Variants in CACNA1I observed in about 807,000 individuals in gnomAD.
The protein encoded by CACNA1I is voltage-dependent T-type calcium channel subunit alpha-1I.
A neutral mutation model predicts 201.6 loss-of-function variants in CACNA1I; 74 were observed. That is an observed-to-expected ratio of 0.37 (90% CI 0.30 to 0.45). CACNA1I has a LOEUF of 0.45. CACNA1I is among the 20% of genes least tolerant of loss of function. CACNA1I has a pLI of 1.00. For synonymous variants in CACNA1I, 1,431 were observed against 1,345.2 expected, an observed-to-expected ratio of 1.06 and a Z score of -1.40; for missense variants, 2,346 against 3,138.1, an observed-to-expected ratio of 0.75 and a Z score of 6.03.
intron 10 of CACNA1I, chr22:39,656,702 G>C (rs759251346): frequency 7.7e-6 from 4 of 519,030 alleles, no homozygotes; most frequent in South Asian, 5.6e-5. Context: ...TGGTGTAACG[G>C]GAGAGCAGTT....
rs1289524394 is a variant in CACNA1I, at chr22:39,665,130, C to G, written c.3851+207C>G. 6.6e-6 allele frequency among the ~76,000 whole-genome samples: 1 copy of G among 152,108 alleles called. No individual in the cohort carries two copies. Among genetic ancestry groups the G allele is most frequent in the East Asian group, 1.9e-4 (1 of 5,186 alleles). ...GGAAGAGCAGGGCTGAAGCTGGACC[C>G]CAGTATTGCTGCCCACTCTGCGTGT... On this transcript the variant is annotated intron_variant, in intron 21 of 36. Coordinates refer to ENST00000402142, the MANE Select transcript of CACNA1I (RefSeq NM_021096.4). This position sits in a 1 kb window ranked among gnomAD's most constrained non-coding sequence, Gnocchi z 5.5.
Position 39,661,980 on chromosome 22 carries a change from T to C in CACNA1I, c.2917T>C (p.Ser973Pro). The change falls in exon 17 of 37, where the codon TCC (serine) becomes CCC (proline). Residue 973 changes from serine to proline, a missense_variant. This residue lies in a region of CACNA1I where 288 missense variants were observed against 255.2 expected (regional missense o/e 1.13). Transcript: ENST00000402142. Reference sequence around the variant, plus strand: ...CTCCTTCCAGTCCAGCTCCCGGAGCTCCTACTACGGGCCATGGGGCCGCAG... The same window carrying C: ...CTCCTTCCAGTCCAGCTCCCGGAGCCCCTACTACGGGCCATGGGGCCGCAG... ...DQRSLSSSRS[S>P]YYGPWGRSAA... 6.5e-7 allele frequency: 1 copy of C among 1,545,576 alleles called. No individual in the cohort carries two copies. Among genetic ancestry groups the C allele is most frequent in the African/African-American group, 1.4e-5 (1 of 70,728 alleles).
intron 10 of CACNA1I, among the ~76,000 whole-genome samples, chr22:39,653,346 C>T (rs1054326150): frequency 6.6e-6 from 1 of 152,180 alleles, no homozygotes; most frequent in African/African-American, 2.4e-5. Flanking sequence ...CCAGGGGCAG[C>T]CATGGTCTCC....
At chr22:39,661,354 G>T in intron 16 of CACNA1I, 44 bp downstream of exon 16, 1 of 1,444,130 alleles carries the variant, frequency 6.9e-7, no homozygotes, top group Non-Finnish European at 9.3e-7. Context: ...TCCTGCTGGG[G>T]TGTGTGTGGA....
rs995576305 is a variant in CACNA1I at position 39,648,333 on chromosome 22, G to C, written c.1567+407G>C. Among the ~76,000 whole-genome samples, 1 of 152,184 alleles carries C rather than the reference G, an allele frequency of 6.6e-6. No individual in the cohort carries two copies. The highest frequency in any genetic ancestry group is 2.4e-5 in the African/African-American group (1 of 41,462). On this transcript the variant is annotated intron_variant, in intron 9 of 36. Transcript: ENST00000402142. This position sits in a 1 kb window ranked among gnomAD's most constrained non-coding sequence, Gnocchi z 5.4. Reference sequence around the variant, plus strand: ...CTGGGGCCGGGCAAGGCTGGCACTGGTGTTGCTGGAGGACGTGGGGGAGAA... The same window carrying C: ...CTGGGGCCGGGCAAGGCTGGCACTGCTGTTGCTGGAGGACGTGGGGGAGAA...
intron 28 of CACNA1I, 54 bp from the exon 29 acceptor site, chr22:39,673,909 C>G (rs1224766778): frequency 7.7e-6 from 12 of 1,563,024 alleles, no homozygotes; most frequent in Admixed American, 5.0e-5. Flanking sequence ...TGCGTGCACA[C>G]ACACGTCCCC....
rs1330283078 is a variant in CACNA1I at position 39,662,051 on chromosome 22, C to T, written c.2988C>T (p.His996=). 3.8e-6 allele frequency: 6 copies of T among 1,561,348 alleles called. No individual in the cohort carries two copies. In the Admixed American group the frequency reaches 9.4e-5, roughly 24 times the overall value. Residue 996 remains histidine (H), a synonymous_variant, in exon 17 of 37, where the codon CAC becomes CAT. Transcript: ENST00000402142. The part of the protein sequence containing the change: ...SRRSSWNSLK[H]KPPSAEHESL... ...GCTCCAGCTGGAACAGCCTCAAGCA[C>T]AAGCCGCCGTCGGCGGAGCATGAGT...
Position 39,664,885 on chromosome 22 carries a change from C to T in CACNA1I, c.3813C>T (p.Leu1271=). ...SAGGAKILGV[L]RVLRLLRTLR... ...GGGGAGCCAAGATCTTGGGGGTCCTCCGAGTCTTGCGGCTCCTGCGCACCC... is the reference window on the plus strand; with the variant it reads ...GGGGAGCCAAGATCTTGGGGGTCCTTCGAGTCTTGCGGCTCCTGCGCACCC... The change falls in exon 21 of 37, where the codon CTC becomes CTT. Residue 1271 remains leucine (L), a synonymous_variant. Coordinates refer to ENST00000402142, the MANE Select transcript of CACNA1I (RefSeq NM_021096.4). 6.2e-7 allele frequency: 1 copy of T among 1,612,980 alleles called. No individual in the cohort carries two copies. The highest frequency in any genetic ancestry group is 1.1e-5 in the South Asian group (1 of 91,084).
In CACNA1I at chr22:39,578,184, G is replaced by A. The variant is rs557352602; in HGVS notation, c.236+7196G>A. Among the ~76,000 whole-genome samples the A allele has an allele frequency of 5.3e-5, 8 of 152,204 alleles. No homozygotes were observed. The East Asian group carries it at 5.8e-4, about 11-fold the overall frequency. ...GTAAGTGTGTTGGGAGAGGAATGGC[G>A]CCATCTCTGCAGAAGACCTCCTCCC... On this transcript the variant is annotated intron_variant, in intron 1 of 36. Transcript: ENST00000402142.
At chr22:39,621,711 T>C (rs1482133297) in intron 4 of CACNA1I, among the ~76,000 whole-genome samples, 1 of 151,976 alleles carries the variant, frequency 6.6e-6, no homozygotes, top group Non-Finnish European at 1.5e-5. Context: ...TGTGAGGGTC[T>C]TGGGGAAGGG....
chr22:39,678,743 A>T (rs367986866), intron 31 of CACNA1I, among the ~76,000 whole-genome samples: 2 of 152,264 alleles, frequency 1.3e-5, no homozygotes, highest in Admixed American at 6.5e-5. Flanking sequence ...CCAGAAAGGA[A>T]GGACAGGGAG....
Position 39,665,057 on chromosome 22 carries a change from A to T in CACNA1I, c.3851+134A>T. ...CCAATAGTGAGTGCCAAACACCCTG[A>T]GCTGTTCCCGGGGGAGGGGTCTGCA... is the stretch of plus-strand genomic sequence containing the variant. On this transcript the variant is annotated intron_variant, in intron 21 of 36. Coordinates refer to ENST00000402142, the MANE Select transcript of CACNA1I (RefSeq NM_021096.4). The surrounding 1 kb of genome is among the most constrained non-coding windows in gnomAD (Gnocchi z 5.5). The T allele has an allele frequency of 1.2e-6, 1 of 820,688 alleles. No individual in the cohort carries two copies. The highest frequency in any genetic ancestry group is 1.9e-6 in the Non-Finnish European group (1 of 526,350). The allele number at this position is 820,688 out of a possible 1,614,324, so 50.8% of individuals were successfully genotyped here.
intron 1 of CACNA1I, among the ~76,000 whole-genome samples, chr22:39,581,566 T>C (rs1390027861): frequency 6.6e-6 from 1 of 151,976 alleles, no homozygotes; most frequent in African/African-American, 2.4e-5. Context: ...CCTGATGGGA[T>C]GGGAAGTCTC....
At chr22:39,617,068 A>G (rs1357937556) in intron 3 of CACNA1I, among the ~76,000 whole-genome samples, 1 of 152,164 alleles carries the variant, frequency 6.6e-6, no homozygotes, top group Non-Finnish European at 1.5e-5. Context: ...GTGGCAGGAG[A>G]GAATAATGGG....
rs117263351 is a variant in CACNA1I at position 39,578,810 on chromosome 22, G to A, written c.236+7822G>A. 1.5e-3 allele frequency among the ~76,000 whole-genome samples: 230 copies of A among 152,222 alleles called. 9 individuals carry two copies. The East Asian group carries it at 0.037, about 24-fold the overall frequency. On this transcript the variant is annotated intron_variant, in intron 1 of 36. Coordinates refer to ENST00000402142, the MANE Select transcript of CACNA1I (RefSeq NM_021096.4). Reference sequence around the variant, plus strand: ...ATTATCCTCCAGCCCTATTCTTCCCGTTCTTTCCCTTGGGGTCCAGTGCTC... The same window carrying A: ...ATTATCCTCCAGCCCTATTCTTCCCATTCTTTCCCTTGGGGTCCAGTGCTC...
intron 10 of CACNA1I, among the ~76,000 whole-genome samples, chr22:39,652,668 G>C (rs1332236672): frequency 1.3e-5 from 2 of 152,332 alleles, no homozygotes; most frequent in East Asian, 3.9e-4. Flanking sequence ...ACTTTGGGAG[G>C]CTGTGGCGAG....
At chr22:39,674,099 G>A in intron 29 of CACNA1I, 66 bp downstream of exon 29, 2 of 1,463,334 alleles carry the variant, frequency 1.4e-6, no homozygotes, top group Middle Eastern at 1.7e-4. Context: ...CCTGGGGCAT[G>A]AAGGCCCTGA....
intron 3 of CACNA1I, among the ~76,000 whole-genome samples, chr22:39,608,378 A>T (rs985691952): frequency 6.6e-6 from 1 of 152,154 alleles, no homozygotes; most frequent in African/African-American, 2.4e-5. Context: ...AGGTGGGAGG[A>T]TATCTTGAGC....
At chr22:39,630,495 C>T (rs1436390801) in intron 4 of CACNA1I, among the ~76,000 whole-genome samples, 4 of 152,226 alleles carry the variant, frequency 2.6e-5, no homozygotes, top group Admixed American at 1.3e-4. Flanking sequence ...TCCATTCACT[C>T]GCCCACCGCT....
Sources: allele counts gnomAD v4.1 joint callset (sites outside exome capture counted in the v4.1 genomes callset), GRCh38; gene constraint gnomAD v4.1.1; regional missense constraint gnomAD v4.1.1; non-coding constraint Gnocchi (gnomAD v3.1); transcripts MANE v1.5; gene names NCBI Gene and HGNC (gene_info 2026-07-23, HGNC 2026-07-21).